Variants in CRADD observed in about 807,000 individuals in gnomAD.
CRADD encodes CARD and death domain containing adaptor protein.
Under a neutral mutation model 15.5 loss-of-function variants are expected in CRADD, and 9 were observed. The observed-to-expected ratio is 0.58, with a 90% CI of 0.35 to 1.01. CRADD has a LOEUF of 1.01. Among genes scored for constraint, CRADD ranks in the 50% least tolerant of loss-of-function variants. CRADD has a pLI of 0.02. For synonymous variants in CRADD, 118 were observed against 107.6 expected (o/e 1.10, Z -0.60); for missense variants, 227 against 250.3 (o/e 0.91, Z 0.63).
chr12:93,817,454 A>G (rs1300965045), intron 2 of CRADD, among the ~76,000 whole-genome samples: 2 of 152,112 alleles, frequency 1.3e-5, no homozygotes, highest in African/African-American at 4.8e-5. Flanking sequence ...TTTTCCACAA[A>G]AGGAAACAGA....
intron 2 of CRADD, among the ~76,000 whole-genome samples, chr12:93,808,846 G>A (rs1490566126): frequency 6.6e-6 from 1 of 152,126 alleles, no homozygotes; most frequent in Non-Finnish European, 1.5e-5. Context: ...GACCACAGTG[G>A]CTCATCTCAA....
chr12:93,734,172 C>T (rs993306263), intron 2 of CRADD, among the ~76,000 whole-genome samples: 9 of 151,958 alleles, frequency 5.9e-5, no homozygotes, highest in African/African-American at 1.2e-4. Flanking sequence ...CCCATCCATC[C>T]GTCCATCCAT....
At chr12:93,699,323 G>T (rs1305935512) in intron 2 of CRADD, among the ~76,000 whole-genome samples, 3 of 152,130 alleles carry the variant, frequency 2.0e-5, no homozygotes, top group Non-Finnish European at 4.4e-5. Context: ...TTCTAAAATT[G>T]TACATAAGAG....
intron 2 of CRADD, among the ~76,000 whole-genome samples, chr12:93,742,287 G>A (rs1465531553): frequency 6.6e-6 from 1 of 152,130 alleles, no homozygotes; most frequent in African/African-American, 2.4e-5. Flanking sequence ...TGTTTCTAGG[G>A]AACCCGGCTC....
intron 2 of CRADD, among the ~76,000 whole-genome samples, chr12:93,862,650 G>A (rs1958327482): frequency 6.6e-6 from 1 of 152,156 alleles, no homozygotes; most frequent in Admixed American, 6.5e-5. Context: ...CCAAGAGTTT[G>A]GGTTTCACCC....
chr12:93,739,106 G>A lies in CRADD; in HGVS notation c.298+60034G>A, dbSNP rs1389006991. 2.0e-5 allele frequency among the ~76,000 whole-genome samples: 3 copies of A among 151,972 alleles called. No individual in the cohort carries two copies. The East Asian group carries it at 5.8e-4, about 29-fold the overall frequency. ...CAGGTATCTGACTATGTAGAGACAC[G>A]AAGCCACCTATCCTGACCAAACTTG... On this transcript the variant is annotated intron_variant, in intron 2 of 2. Transcript: ENST00000332896.
At chr12:93,680,871 C>T (rs945965980) in intron 2 of CRADD, among the ~76,000 whole-genome samples, 35 of 151,976 alleles carry the variant, frequency 2.3e-4, no homozygotes, top group African/African-American at 8.0e-4. Context: ...GTATGTCATT[C>T]GTAGAGGTAT....
At chr12:93,693,222 G>A (rs1371589939) in intron 2 of CRADD, among the ~76,000 whole-genome samples, 3 of 152,088 alleles carry the variant, frequency 2.0e-5, no homozygotes, top group African/African-American at 4.8e-5. Context: ...TAACGAAATG[G>A]CAGAAGCAAG....
chr12:93,728,174 C>G (rs1665512326), intron 2 of CRADD, among the ~76,000 whole-genome samples: 1 of 152,206 alleles, frequency 6.6e-6, no homozygotes, highest in East Asian at 1.9e-4. Flanking sequence ...ACAAGGCATT[C>G]TACCCTTCCA....
At chr12:93,716,168 C>A (rs1398332963) in intron 2 of CRADD, among the ~76,000 whole-genome samples, 1 of 151,066 alleles carries the variant, frequency 6.6e-6, no homozygotes, top group African/African-American at 2.4e-5. Context: ...CTTAGATGAG[C>A]TAATTTTTGA....
chr12:93,741,640 G>C (rs1180113502), intron 2 of CRADD, among the ~76,000 whole-genome samples: 1 of 152,080 alleles, frequency 6.6e-6, no homozygotes, highest in African/African-American at 2.4e-5. Flanking sequence ...TATTAATCTG[G>C]GTTTGAATTT....
At chr12:93,892,623 G>GATGCCT (rs1266614299) in intron 2 of CRADD, among the ~76,000 whole-genome samples, 1 of 152,162 alleles carries the variant, frequency 6.6e-6, no homozygotes, top group Non-Finnish European at 1.5e-5. Flanking sequence ...TGGGCACGTT[G>GATGCCT]GGTGCCAGGA....
At chr12:93,811,973 C>A (rs1304354501) in intron 2 of CRADD, among the ~76,000 whole-genome samples, 1 of 152,094 alleles carries the variant, frequency 6.6e-6, no homozygotes, top group East Asian at 1.9e-4. Context: ...AGCTGTCAAG[C>A]CATGAAAAGA....
intron 2 of CRADD, among the ~76,000 whole-genome samples, chr12:93,724,225 C>T (rs982344912): frequency 6.6e-6 from 1 of 151,920 alleles, no homozygotes; most frequent in African/African-American, 2.4e-5. Context: ...CCTAAAAATA[C>T]AAAAACTAGC....
chr12:93,850,761 C>T (rs976811601), downstream of CRADD: 21 of 980,930 alleles, frequency 2.1e-5, no homozygotes, highest in South Asian at 7.1e-4. The surrounding 1 kb of genome is among the most constrained non-coding windows in gnomAD (Gnocchi z 4.0). Flanking sequence ...GAGAAAGTAC[C>T]GTGTTGGGTT....
chr12:93,770,607 A>C (rs1181998390), intron 2 of CRADD, among the ~76,000 whole-genome samples: 1 of 152,232 alleles, frequency 6.6e-6, no homozygotes, highest in Non-Finnish European at 1.5e-5. Context: ...AACATAAATC[A>C]AATATCCATA....
intron 2 of CRADD, among the ~76,000 whole-genome samples, chr12:93,686,663 C>T (rs75399244): frequency 1.8e-3 from 277 of 152,282 alleles, no homozygotes; most frequent in African/African-American, 5.8e-3. Flanking sequence ...AATTTTAGAA[C>T]TGGGTGGGAC....
chr12:93,807,728 G>T (rs1283492326), intron 2 of CRADD, among the ~76,000 whole-genome samples: 1 of 152,082 alleles, frequency 6.6e-6, no homozygotes, highest in Non-Finnish European at 1.5e-5. Context: ...CTGGTCAGAA[G>T]TGGCTTCTCA....
At chr12:93,679,184 C>G in intron 2 of CRADD, 112 bp downstream of exon 2, 1 of 838,968 alleles carries the variant, frequency 1.2e-6, no homozygotes. Flanking sequence ...CTCTGTTGCC[C>G]AGGCTGGAGT....
Sources: allele counts gnomAD v4.1 joint callset (sites outside exome capture counted in the v4.1 genomes callset), GRCh38; gene constraint gnomAD v4.1.1; non-coding constraint Gnocchi (gnomAD v3.1); transcripts MANE v1.5; gene names NCBI Gene and HGNC (gene_info 2026-07-23, HGNC 2026-07-21).